PLD1: variants seen among roughly 807,000 people sequenced by gnomAD.
The protein encoded by PLD1 is phospholipase D1.
In PLD1, 112 loss-of-function variants were observed where a neutral mutation model predicts 137.1. That is an observed-to-expected ratio of 0.82 (90% confidence interval 0.70 to 0.96). PLD1 has a LOEUF of 0.96. Ranked by LOEUF, PLD1 falls within the 40% of genes least tolerant of loss-of-function variation. The pLI, the probability that PLD1 is intolerant of heterozygous loss-of-function variation, is 0.00. For missense variants in PLD1, 1,321 were observed against 1,342.0 expected, an observed-to-expected ratio of 0.98 and a Z score of 0.24; for synonymous variants, 431 against 454.7, an observed-to-expected ratio of 0.95 and a Z score of 0.66.
chr3:171,707,977 C>G (rs1373357852), intron 11 of PLD1, among the ~76,000 whole-genome samples: 1 of 152,146 alleles, frequency 6.6e-6, no homozygotes, highest in Non-Finnish European at 1.5e-5. Context: ...CTATAAGGTA[C>G]CTTTTGGAAG....
At chr3:171,674,906 G>A (rs1713181488) in intron 18 of PLD1, among the ~76,000 whole-genome samples, 1 of 147,560 alleles carries the variant, frequency 6.8e-6, no homozygotes, top group Non-Finnish European at 1.5e-5. Context: ...TTGAACCTCG[G>A]AGGCAGAGGT....
At chr3:171,676,580 T>C in intron 18 of PLD1, 135 bp downstream of exon 18, 1 of 714,328 alleles carries the variant, frequency 1.4e-6, no homozygotes, top group Non-Finnish European at 2.5e-6. Context: ...CGGACATCAA[T>C]GCAGCCAACA....
At chr3:171,716,336 C>T (rs1470090676) in intron 8 of PLD1, among the ~76,000 whole-genome samples, 1 of 152,206 alleles carries the variant, frequency 6.6e-6, no homozygotes, top group African/African-American at 2.4e-5. Flanking sequence ...AATGGCTGAA[C>T]TAATTTACGC....
At chr3:171,609,145 C>T (rs571821463) in intron 25 of PLD1, among the ~76,000 whole-genome samples, 1 of 152,142 alleles carries the variant, frequency 6.6e-6, no homozygotes, top group South Asian at 2.1e-4. Context: ...AAATGCTGAA[C>T]ATCATTAATT....
chr3:171,714,900 C>A (rs1027111845), intron 8 of PLD1, among the ~76,000 whole-genome samples: 4 of 152,054 alleles, frequency 2.6e-5, no homozygotes, highest in Admixed American at 2.0e-4. Context: ...AATACCTAAC[C>A]ACAAAGGTAA....
intron 1 of PLD1, among the ~76,000 whole-genome samples, chr3:171,803,311 T>C (rs564080993): frequency 2.8e-4 from 43 of 152,332 alleles, no homozygotes; most frequent in Admixed American, 8.5e-4. Flanking sequence ...ACTGTGACGG[T>C]TGACAGAAAA....
chr3:171,664,801 G>T (rs1387744254), intron 19 of PLD1, among the ~76,000 whole-genome samples: 3 of 152,064 alleles, frequency 2.0e-5, no homozygotes, highest in African/African-American at 7.2e-5. Context: ...AGGTGTAAGA[G>T]AATTTACATA....
At chr3:171,693,348 A>G (rs1447019274) in intron 12 of PLD1, among the ~76,000 whole-genome samples, 2 of 152,206 alleles carry the variant, frequency 1.3e-5, no homozygotes, top group Non-Finnish European at 2.9e-5. Flanking sequence ...CCAAAAGACC[A>G]GGTCCAATAG....
Position 171,644,956 on chromosome 3 carries a change from T to C in PLD1, c.2497A>G (p.Thr833Ala), listed in dbSNP as rs371719444. 57 of 1,613,786 alleles carry C rather than the reference T, an allele frequency of 3.5e-5. No homozygotes were observed. Among genetic ancestry groups the C allele is most frequent in the Non-Finnish European group, 4.7e-5 (56 of 1,179,758 alleles). ...LLPGFEGDIS[T>A]GGGNALQAIM... ...GCCTGTAGAGCATTTCCTCCGCCGG[T>C]TGAAATGTCTCCTTCGAACCCTGGC... Residue 833 changes from threonine to alanine, a missense_variant, in exon 22 of 27, where the codon ACC (threonine) becomes GCC (alanine). Physicochemically the swap from Thr to Ala is moderately conservative, Grantham distance 58. Coordinates refer to ENST00000351298, the MANE Select transcript of PLD1 (RefSeq NM_002662.5).
chr3:171,639,848 C>CTCTCTA (rs3050415), intron 23 of PLD1, among the ~76,000 whole-genome samples: 63 of 110,186 alleles, frequency 5.7e-4, no homozygotes, highest in Admixed American at 7.8e-4. Flanking sequence ...CTCTCTCTCT[C>CTCTCTA]TATATATATA....
At chr3:171,658,538 C>T (rs1737402539) in intron 21 of PLD1, among the ~76,000 whole-genome samples, 1 of 152,078 alleles carries the variant, frequency 6.6e-6, no homozygotes, top group South Asian at 2.1e-4. Flanking sequence ...TATGCTAAGA[C>T]AAATCAGTCA....
At chr3:171,687,724 C>G in intron 14 of PLD1, 140 bp from the exon 15 acceptor site, 1 of 625,806 alleles carries the variant, frequency 1.6e-6, no homozygotes, top group Non-Finnish European at 2.8e-6. Flanking sequence ...CTGAGGTCAG[C>G]CACAGGGTAG....
rs752917199 is a variant in PLD1, at chr3:171,764,859, GAA to G, written c.-31-26779_-31-26778del. Among the ~76,000 whole-genome samples the G allele has an allele frequency of 3.6e-3, 81 of 22,478 alleles. 6 individuals are homozygous for G. The highest frequency in any genetic ancestry group is 6.9e-3 in the Non-Finnish European group (72 of 10,400). The allele number at this position is 22,478 out of a possible 152,430, so 14.7% of individuals were successfully genotyped here. On this transcript the variant is annotated intron_variant, in intron 1 of 26. Coordinates refer to ENST00000351298, the MANE Select transcript of PLD1 (RefSeq NM_002662.5). ...AGAAAGAAAGAAAGAAAGAAAGAAAGAAAGAAAGAAAGAAAGAAAGAAAGAAA... is the reference window on the plus strand; with the variant it reads ...AGAAAGAAAGAAAGAAAGAAAGAAAGAGAAAGAAAGAAAGAAAGAAAGAAA...
chr3:171,721,555 T>C (rs1371667299), intron 8 of PLD1: 1 of 152,190 alleles, frequency 6.6e-6, no homozygotes, highest in African/African-American at 2.4e-5. Context: ...CCTACAGAAT[T>C]TTTGGTCAAA....
intron 1 of PLD1, among the ~76,000 whole-genome samples, chr3:171,764,894 AGGAAGGAAGGAAGGAAG>A (rs1394027947): frequency 1.3e-3 from 35 of 27,016 alleles, no homozygotes; most frequent in African/African-American, 3.2e-3. Context: ...AAAGAAAGAA[AGGAAGGAAGGAAGGAAG>A]GAAAGAAAGA....
chr3:171,693,205 T>G (rs1193809340), intron 12 of PLD1, among the ~76,000 whole-genome samples: 1 of 152,182 alleles, frequency 6.6e-6, no homozygotes, highest in East Asian at 1.9e-4. Flanking sequence ...AAAAAGACAA[T>G]GTCCAATCCT....
chr3:171,674,447 A>G, intron 19 of PLD1, 53 bp downstream of exon 19: 1 of 918,986 alleles, frequency 1.1e-6, no homozygotes, highest in African/African-American at 1.7e-5. Context: ...GTCCAATAAC[A>G]GTAATTTTAC....
At chr3:171,743,817 T>G (rs1432687113) in intron 1 of PLD1, among the ~76,000 whole-genome samples, 1 of 152,076 alleles carries the variant, frequency 6.6e-6, no homozygotes, top group Admixed American at 6.5e-5. Context: ...ACAGGGACAC[T>G]CTTTGGGGAG....
At position 171,705,588 on chromosome 3, in the gene PLD1, A is replaced by G. The variant is rs557060659; in HGVS notation, c.1145+3167T>C. Reference sequence around the variant, plus strand: ...GGAAAAGATTTGAACAGTTAAACCAATGTCCAAATAGCACATGAAAATTTG... The same window carrying G: ...GGAAAAGATTTGAACAGTTAAACCAGTGTCCAAATAGCACATGAAAATTTG... On this transcript the variant is annotated intron_variant, in intron 11 of 26. Coordinates refer to ENST00000351298, the MANE Select transcript of PLD1 (RefSeq NM_002662.5). Among the ~76,000 whole-genome samples, 14 of 152,346 alleles carry G rather than the reference A, an allele frequency of 9.2e-5. No individual in the cohort carries two copies. The East Asian group carries it at 2.5e-3, about 27-fold the overall frequency.
Sources: allele counts gnomAD v4.1 joint callset (sites outside exome capture counted in the v4.1 genomes callset), GRCh38; gene constraint gnomAD v4.1.1; transcripts MANE v1.5; gene names NCBI Gene and HGNC (gene_info 2026-07-23, HGNC 2026-07-21).